Variants in TECR observed in about 807,000 individuals in gnomAD.
TECR encodes the protein very-long-chain enoyl-CoA reductase.
In TECR, 19 loss-of-function variants were observed where a neutral mutation model predicts 50.6. That is an observed-to-expected ratio of 0.38 (90% confidence interval 0.26 to 0.55). TECR has a LOEUF of 0.55. TECR is among the 20% of genes least tolerant of loss of function. The pLI, the probability that TECR is intolerant of heterozygous loss-of-function variation, is 0.79. For missense variants in TECR, 313 were observed against 408.3 expected (o/e 0.77, Z 2.01); for synonymous variants, 168 against 163.5 (o/e 1.03, Z -0.21).
intron 1 of TECR, among the ~76,000 whole-genome samples, chr19:14,559,702 G>A (rs562729004): frequency 4.6e-5 from 7 of 151,982 alleles, no homozygotes; most frequent in Admixed American, 1.3e-4. Flanking sequence ...CAGGAGAATC[G>A]TTTGAACCTG....
chr19:14,565,715 C>T (rs770701621), intron 12 of TECR, 29 bp from the exon 13 acceptor site: 2 of 1,612,216 alleles, frequency 1.2e-6, no homozygotes, highest in South Asian at 2.2e-5. Flanking sequence ...GGCCGGCAGC[C>T]CCTCCCTGAC....
intron 7 of TECR, 49 bp downstream of exon 7, chr19:14,564,336 C>T: frequency 7.1e-7 from 1 of 1,400,198 alleles, no homozygotes. Context: ...TTCTGCCCCA[C>T]CCCGCCCCGC....
rs776469956 is a variant in TECR at position 14,529,721 on chromosome 19, G to A, written c.15+10G>A. 10 of 1,613,970 alleles carry A rather than the reference G, an allele frequency of 6.2e-6. No individual in the cohort carries two copies. In the African/African-American group the frequency reaches 1.2e-4, roughly 19 times the overall value. Reference sequence around the variant, plus strand: ...CATGAAGCATTACGAGGTAAGAAGCGAGAAACAGGGGCCGTGTGGCCACTG... The same window carrying A: ...CATGAAGCATTACGAGGTAAGAAGCAAGAAACAGGGGCCGTGTGGCCACTG... On this transcript the variant is annotated intron_variant, in intron 1 of 12. Coordinates refer to ENST00000215567, the MANE Select transcript of TECR (RefSeq NM_138501.6).
chr19:14,529,555 C>A (rs2072528314), upstream of TECR: 3 of 1,297,590 alleles, frequency 2.3e-6, no homozygotes, highest in Non-Finnish European at 3.3e-6. Flanking sequence ...GCCGACGGGG[C>A]GCGCGCGGCC....
chr19:14,536,684 C>G (rs1049529101), intron 1 of TECR: 3 of 152,144 alleles, frequency 2.0e-5, no homozygotes, highest in Admixed American at 2.0e-4. Flanking sequence ...GCTGACATCT[C>G]TAAGTCACAG....
intron 1 of TECR, among the ~76,000 whole-genome samples, chr19:14,560,505 T>C (rs1052478406): frequency 3.9e-5 from 6 of 152,248 alleles, no homozygotes; most frequent in Non-Finnish European, 8.8e-5. Context: ...CCGTGTCCTC[T>C]GTCCCTATCC....
chr19:14,564,871 A>G lies in TECR; in HGVS notation c.562+13A>G. ...TACACTCCCCCTAGTAAGTGGCCTC[A>G]GACCATCCTTCCCTCCCCCACGGTC... On this transcript the variant is annotated intron_variant, in intron 8 of 12. Transcript: ENST00000215567. 1.2e-6 allele frequency: 2 copies of G among 1,613,972 alleles called. No individual in the cohort carries two copies. The highest frequency in any genetic ancestry group is 1.7e-6 in the Non-Finnish European group (2 of 1,180,006).
At chr19:14,561,772 C>T (rs984463859) in intron 1 of TECR, among the ~76,000 whole-genome samples, 16 of 152,330 alleles carry the variant, frequency 1.1e-4, no homozygotes, top group South Asian at 2.1e-4. Flanking sequence ...CAGAATCTGT[C>T]ACCTCCCTGG....
In TECR at chr19:14,564,064, A is replaced by G. The variant is rs1463368913; in HGVS notation, c.350A>G (p.Tyr117Cys). Residue 117 changes from tyrosine to cysteine, a missense_variant, in exon 6 of 13, where the codon TAT (tyrosine) becomes TGT (cysteine). Transcript: ENST00000215567. ...GTGCCCTTCATCTATGGCCACAAAT[A>G]TGACTTTACGTCCAGTCGGCATACA... is the stretch of plus-strand genomic sequence containing the variant. ...FRVPFIYGHK[Y>C]DFTSSRHTVV... The G allele has an allele frequency of 2.5e-6, 4 of 1,613,288 alleles. No homozygotes were observed. The highest frequency in any genetic ancestry group is 3.4e-6 in the Non-Finnish European group (4 of 1,179,888).
intron 11 of TECR, 93 bp from the exon 12 acceptor site, chr19:14,565,525 G>A (rs2074052857): frequency 5.2e-6 from 8 of 1,534,124 alleles, no homozygotes; most frequent in South Asian, 1.2e-5. Context: ...GACTCAGAAA[G>A]CAGGGGCGGC....
chr19:14,537,466 A>G (rs1183379600), intron 1 of TECR, among the ~76,000 whole-genome samples: 1 of 152,036 alleles, frequency 6.6e-6, no homozygotes, highest in East Asian at 1.9e-4. Flanking sequence ...GAGGGTTGAC[A>G]GCCTTGAGTG....
rs764010266 is a variant in TECR, at chr19:14,565,096, A to G, written c.637A>G (p.Met213Val). The G allele has an allele frequency of 2.5e-5, 41 of 1,613,874 alleles. No homozygotes were observed. Among genetic ancestry groups the G allele is most frequent in the South Asian group, 3.3e-5 (3 of 91,084 alleles). Residue 213 changes from methionine to valine, a missense_variant, in exon 10 of 13, where the codon ATG (methionine) becomes GTG (valine). Physicochemically the swap from Met to Val is conservative, Grantham distance 21 (BLOSUM62 1). Coordinates refer to ENST00000215567, the MANE Select transcript of TECR (RefSeq NM_138501.6). ...CCAGCTCGGCAACTTCTCCATCCAC[A>G]TGGCCCTGCGGGACCTGCGGCCCGC... ...ICQLGNFSIHMALRDLRPAGS... is the reference protein window; with the variant it reads ...ICQLGNFSIHVALRDLRPAGS...
intron 1 of TECR, chr19:14,532,534 AAGGG>A (rs1262075017): frequency 7.3e-5 from 11 of 150,598 alleles, no homozygotes; most frequent in Admixed American, 6.0e-4. Context: ...AAAAAAAAAA[AAGGG>A]AAGCTTCAAA....
intron 1 of TECR, chr19:14,531,608 G>A (rs991637995): frequency 6.6e-6 from 1 of 152,078 alleles, no homozygotes; most frequent in Non-Finnish European, 1.5e-5. Context: ...TTTTAGTAGA[G>A]ACAGGGTTTC....
At chr19:14,564,560 G>T (rs1333226639) in intron 7 of TECR, 988 of 63,496 alleles carry the variant, frequency 0.016, 1 homozygote, top group Admixed American at 0.03. Flanking sequence ...CCCCGCCCCT[G>T]CAGAGCCCCG....
At chr19:14,548,194 C>CTTCA (rs2073370646) in intron 1 of TECR, among the ~76,000 whole-genome samples, 1 of 151,998 alleles carries the variant, frequency 6.6e-6, no homozygotes, top group African/African-American at 2.4e-5. Flanking sequence ...GATCTCCTGA[C>CTTCA]TTCATGATCC....
intron 1 of TECR, among the ~76,000 whole-genome samples, chr19:14,541,706 A>C (rs537148101): frequency 4.9e-4 from 75 of 152,104 alleles, no homozygotes; most frequent in African/African-American, 1.8e-3. Flanking sequence ...CAGAGTTTGC[A>C]TATGTCCCAC....
chr19:14,554,499 C>T (rs1283907600), intron 1 of TECR, among the ~76,000 whole-genome samples: 10 of 152,202 alleles, frequency 6.6e-5, no homozygotes, highest in Non-Finnish European at 5.9e-5. Context: ...TGCTTGTTTA[C>T]AGCCGGGAGA....
chr19:14,556,009 G>A (rs2073708236), intron 1 of TECR, among the ~76,000 whole-genome samples: 1 of 152,154 alleles, frequency 6.6e-6, no homozygotes, highest in Non-Finnish European at 1.5e-5. Flanking sequence ...CCTGAGCCAA[G>A]TCTCATCCCT....
Sources: allele counts gnomAD v4.1 joint callset (sites outside exome capture counted in the v4.1 genomes callset), GRCh38; gene constraint gnomAD v4.1.1; transcripts MANE v1.5; gene names NCBI Gene and HGNC (gene_info 2026-07-23, HGNC 2026-07-21).